The following NRG1 variants were observed in gnomAD, a reference collection of about 807,000 sequenced individuals.
The protein encoded by NRG1 is neuregulin 1, also known as pro-neuregulin-1, membrane-bound isoform.
NRG1 carries 18 observed loss-of-function variants against 63.8 expected under a neutral mutation model. The observed-to-expected ratio is 0.28, with a 90% confidence interval of 0.19 to 0.42. The LOEUF is 0.42. Ranked by LOEUF, NRG1 falls within the 10% of genes least tolerant of loss-of-function variation. NRG1 has a pLI of 1.00. For missense variants in NRG1, 762 were observed against 814.7 expected, an observed-to-expected ratio of 0.94 and a Z score of 0.79; for synonymous variants, 302 against 301.3, an observed-to-expected ratio of 1.00 and a Z score of -0.02.
intron 1 of NRG1, among the ~76,000 whole-genome samples, chr8:31,807,306 G>T (rs1344754024): frequency 6.6e-6 from 1 of 152,168 alleles, no homozygotes; most frequent in Non-Finnish European, 1.5e-5. Context: ...AATAATATGA[G>T]ACTTTTGTAT....
chr8:32,422,644 T>C (rs1336441870), intron 1 of NRG1, among the ~76,000 whole-genome samples: 1 of 152,202 alleles, frequency 6.6e-6, no homozygotes, highest in South Asian at 2.1e-4. Flanking sequence ...ACCCAAAGGG[T>C]CATATGAGAT....
chr8:31,778,817 C>A (rs1458290140), intron 1 of NRG1, among the ~76,000 whole-genome samples: 1 of 152,158 alleles, frequency 6.6e-6, no homozygotes, highest in Non-Finnish European at 1.5e-5. Flanking sequence ...GTTTCACTAC[C>A]CCTAAAACAG....
At chr8:32,674,502 A>T (rs1202508726) in intron 5 of NRG1, among the ~76,000 whole-genome samples, 1 of 152,146 alleles carries the variant, frequency 6.6e-6, no homozygotes, top group African/African-American at 2.4e-5. Context: ...CTAAATTCGT[A>T]TATGACAACT....
chr8:32,286,945 C>T (rs765136472), intron 1 of NRG1, among the ~76,000 whole-genome samples: 3 of 152,112 alleles, frequency 2.0e-5, no homozygotes, highest in African/African-American at 7.2e-5. Flanking sequence ...TGCAGTGAGC[C>T]GAGATTGTGC....
chr8:32,052,332 G>T (rs370770346), intron 1 of NRG1, among the ~76,000 whole-genome samples: 44 of 140,448 alleles, frequency 3.1e-4, no homozygotes, highest in African/African-American at 1.0e-3. Context: ...CTGGAGTCCA[G>T]TGGTGTGATC....
intron 1 of NRG1, among the ~76,000 whole-genome samples, chr8:32,064,648 T>C (rs192341780): frequency 8.5e-5 from 13 of 152,274 alleles, no homozygotes; most frequent in Admixed American, 8.5e-4. Context: ...GAAGGAAAAG[T>C]ATTTGCTAAG....
chr8:32,065,289 G>C (rs1212669367), intron 1 of NRG1, among the ~76,000 whole-genome samples: 1 of 152,014 alleles, frequency 6.6e-6, no homozygotes, highest in East Asian at 1.9e-4. Flanking sequence ...TGCCATGTTG[G>C]TGTGCTGCAC....
intron 7 of NRG1, among the ~76,000 whole-genome samples, chr8:32,752,363 T>C (rs1828906747): frequency 6.6e-6 from 1 of 152,154 alleles, no homozygotes; most frequent in Non-Finnish European, 1.5e-5. Flanking sequence ...AGCAGACATA[T>C]GCAATTAACA....
chr8:31,850,956 C>T (rs537642729), intron 1 of NRG1, among the ~76,000 whole-genome samples: 4 of 152,284 alleles, frequency 2.6e-5, no homozygotes, highest in South Asian at 4.2e-4. Context: ...TGTTGGACAC[C>T]GCTTCCTTCA....
chr8:32,019,049 T>G (rs760710937), intron 1 of NRG1, among the ~76,000 whole-genome samples: 2 of 152,250 alleles, frequency 1.3e-5, no homozygotes, highest in African/African-American at 4.8e-5. Context: ...GTTCTTTCGA[T>G]TTTTTGCCCT....
intron 7 of NRG1, chr8:32,749,089 C>T (rs973033108): frequency 1.9e-5 from 3 of 161,570 alleles, no homozygotes; most frequent in Non-Finnish European, 2.7e-5. Context: ...CTCTTGGCTT[C>T]TGCTCCTGCC....
At chr8:32,356,474 A>ACCCCCCCCCCCCCCCCCCGGCCC (rs11426642) in intron 1 of NRG1, among the ~76,000 whole-genome samples, 1 of 69,324 alleles carries the variant, frequency 1.4e-5, no homozygotes, top group Non-Finnish European at 2.9e-5. Flanking sequence ...CCTTGTTGGG[A>ACCCCCCCCCCCCCCCCCCGGCCC]CCCCCCCCCC....
At position 32,169,084 on chromosome 8, in the gene NRG1, G is replaced by A. The variant is rs371487829; in HGVS notation, c.38-426744G>A. Among the ~76,000 whole-genome samples the A allele has an allele frequency of 3.3e-5, 5 of 152,234 alleles. No homozygotes were observed. The East Asian group carries it at 7.7e-4, about 24-fold the overall frequency. On this transcript the variant is annotated intron_variant, in intron 1 of 10. Coordinates refer to the NRG1 transcript ENST00000519301. ...ATTATCATGGACGTCCTTAGGAAACGAAAATAATTTAAGCTTCTAAAATGG... is the reference window on the plus strand; with the variant it reads ...ATTATCATGGACGTCCTTAGGAAACAAAAATAATTTAAGCTTCTAAAATGG...
At chr8:32,459,902 A>G (rs1482978773) in intron 1 of NRG1, among the ~76,000 whole-genome samples, 1 of 152,214 alleles carries the variant, frequency 6.6e-6, no homozygotes, top group Admixed American at 6.5e-5. Context: ...CAGATCTCAA[A>G]TTAAATACCA....
chr8:31,643,244 G>A (rs1159443835), intron 1 of NRG1, among the ~76,000 whole-genome samples: 1 of 152,178 alleles, frequency 6.6e-6, no homozygotes, highest in Non-Finnish European at 1.5e-5. Flanking sequence ...CTGCCCTGGG[G>A]GCGTGATGGT....
intron 1 of NRG1, among the ~76,000 whole-genome samples, chr8:31,893,805 GAT>G (rs1831341582): frequency 6.6e-6 from 1 of 151,902 alleles, no homozygotes; most frequent in Non-Finnish European, 1.5e-5. Flanking sequence ...CATTTTTAGA[GAT>G]AAATATTCCA....
chr8:32,308,025 G>C (rs1243031257), intron 1 of NRG1, among the ~76,000 whole-genome samples: 3 of 152,116 alleles, frequency 2.0e-5, no homozygotes, highest in Admixed American at 6.5e-5. Context: ...TTTGTAATCT[G>C]TTCTGGAAAA....
chr8:32,286,723 G>A (rs1463506961), intron 1 of NRG1, among the ~76,000 whole-genome samples: 4 of 152,124 alleles, frequency 2.6e-5, no homozygotes, highest in African/African-American at 9.7e-5. Flanking sequence ...TCCTGGCCGG[G>A]CACGGTGGCT....
chr8:32,110,750 G>T (rs1472175042), intron 1 of NRG1, among the ~76,000 whole-genome samples: 1 of 152,092 alleles, frequency 6.6e-6, no homozygotes, highest in African/African-American at 2.4e-5. Flanking sequence ...GCCAGTCATG[G>T]TACTCACAAT....
Sources: allele counts gnomAD v4.1 joint callset (sites outside exome capture counted in the v4.1 genomes callset), GRCh38; gene constraint gnomAD v4.1.1; transcripts MANE v1.5; gene names NCBI Gene and HGNC (gene_info 2026-07-23, HGNC 2026-07-21).